Variants in SFSWAP observed in about 807,000 individuals in gnomAD.
SFSWAP encodes splicing factor, suppressor of white-apricot homolog.
Under a neutral mutation model 100.7 loss-of-function variants are expected in SFSWAP, and 17 were observed. The observed-to-expected ratio is 0.17, with a 90% CI of 0.12 to 0.25. The LOEUF is 0.25. Ranked by LOEUF, SFSWAP falls within the 10% of genes least tolerant of loss-of-function variation. SFSWAP has a pLI of 1.00. For missense variants in SFSWAP, 1,005 were observed against 1,262.6 expected (o/e 0.80, Z 3.09); for synonymous variants, 504 against 510.1 (o/e 0.99, Z 0.16).
At chr12:131,723,295 CA>C (rs1566005634) in intron 4 of SFSWAP, 1 of 152,250 alleles carries the variant, frequency 6.6e-6, no homozygotes, top group South Asian at 2.1e-4. Flanking sequence ...TCTTGGTCCC[CA>C]ATGTGTCTTG....
chr12:131,743,521 A>G (rs1038622413), intron 7 of SFSWAP, among the ~76,000 whole-genome samples: 1 of 152,240 alleles, frequency 6.6e-6, no homozygotes, highest in Non-Finnish European at 1.5e-5. Flanking sequence ...GGTCACGCTG[A>G]TGCAAGAGGT....
At chr12:131,735,629 A>T (rs569897696) in intron 7 of SFSWAP, among the ~76,000 whole-genome samples, 1 of 152,192 alleles carries the variant, frequency 6.6e-6, no homozygotes, top group African/African-American at 2.4e-5. Context: ...CCATGAACAC[A>T]TGCTGGGCCC....
At chr12:131,762,156 C>T (rs1416349113) in intron 11 of SFSWAP, among the ~76,000 whole-genome samples, 1 of 152,092 alleles carries the variant, frequency 6.6e-6, no homozygotes, top group Non-Finnish European at 1.5e-5. Flanking sequence ...TCGCTTGAAC[C>T]TGGGAGGCAG....
Position 131,739,536 on chromosome 12 carries a change from C to CTTTTTTTTTTT in SFSWAP, c.1081+11126_1081+11136dup, listed in dbSNP as rs777610140. Among the ~76,000 whole-genome samples the CTTTTTTTTTTT allele has an allele frequency of 6.6e-5, 4 of 60,842 alleles. 1 individual carries two copies. Among genetic ancestry groups the CTTTTTTTTTTT allele is most frequent in the Non-Finnish European group, 9.8e-5 (3 of 30,536 alleles). 39.9% of individuals were successfully genotyped at this position (60,842 alleles called of 152,430 possible). On this transcript the variant is annotated intron_variant, in intron 7 of 17. Transcript: ENST00000261674. The stretch of plus-strand genomic sequence containing the variant: ...TTTGCATTCTATTATTCCCCAGTTG[C>CTTTTTTTTTTT]TTTTTTTTTTTTTTTTTTTTTTTTT...
At chr12:131,763,049 G>A (rs1038170134) in intron 11 of SFSWAP, among the ~76,000 whole-genome samples, 1 of 152,102 alleles carries the variant, frequency 6.6e-6, no homozygotes, top group African/African-American at 2.4e-5. Flanking sequence ...CTGCTGTCCC[G>A]GTATCAGTAT....
At chr12:131,740,803 A>G (rs1880528448) in intron 7 of SFSWAP, among the ~76,000 whole-genome samples, 1 of 152,060 alleles carries the variant, frequency 6.6e-6, no homozygotes, top group Admixed American at 6.5e-5. Context: ...ATAAAGGTGC[A>G]TGTCTTCAGC....
At chr12:131,754,627 C>CTTTTTTTTTTTTTTTTT (rs869226840) in intron 9 of SFSWAP, 128 bp downstream of exon 9, 1 of 79,840 alleles carries the variant, frequency 1.3e-5, no homozygotes, top group Non-Finnish European at 2.1e-5. Flanking sequence ...GCTCAAATGT[C>CTTTTTTTTTTTTTTTTT]TTTTTTTTTT....
intron 14 of SFSWAP, among the ~76,000 whole-genome samples, chr12:131,781,279 C>T (rs1884485224): frequency 6.9e-6 from 1 of 144,808 alleles, no homozygotes; most frequent in Non-Finnish European, 1.5e-5. Flanking sequence ...TCGCTGTCGC[C>T]TAGGCTGGAG....
chr12:131,750,863 T>C (rs1372372497), intron 7 of SFSWAP, among the ~76,000 whole-genome samples: 1 of 150,644 alleles, frequency 6.6e-6, no homozygotes, highest in Non-Finnish European at 1.5e-5. Context: ...TAGTTTATTT[T>C]ATTTTATTTT....
At chr12:131,722,346 G>T (rs1566004915) in intron 4 of SFSWAP, among the ~76,000 whole-genome samples, 1 of 152,198 alleles carries the variant, frequency 6.6e-6, no homozygotes, top group Non-Finnish European at 1.5e-5. Context: ...AGGATCACTT[G>T]AGGCCAGGAG....
At chr12:131,743,303 C>T (rs181640871) in intron 7 of SFSWAP, among the ~76,000 whole-genome samples, 1 of 152,346 alleles carries the variant, frequency 6.6e-6, no homozygotes, top group East Asian at 1.9e-4. Context: ...AGGCAAGTTC[C>T]TTCTGCCTAC....
At chr12:131,780,266 A>G (rs997976485) in intron 14 of SFSWAP, among the ~76,000 whole-genome samples, 3 of 152,142 alleles carry the variant, frequency 2.0e-5, no homozygotes, top group Admixed American at 1.3e-4. Context: ...AAACCTTGCT[A>G]TTTTCTAATC....
chr12:131,766,323 C>G lies in SFSWAP; in HGVS notation c.2142+15C>G. On this transcript the variant is annotated intron_variant, in intron 13 of 17. Coordinates refer to ENST00000261674, the MANE Select transcript of SFSWAP (RefSeq NM_004592.4). ...TCAGTGTCGAGGTATAGTAAAATCC[C>G]ACATTGGTATCTGCGGGGCTGTGTG... 1 of 1,611,180 alleles carries G rather than the reference C, an allele frequency of 6.2e-7. No homozygotes were observed. The highest frequency in any genetic ancestry group is 8.5e-7 in the Non-Finnish European group (1 of 1,178,166).
intron 7 of SFSWAP, 137 bp from the exon 8 acceptor site, chr12:131,752,985 TC>T: frequency 7.6e-7 from 1 of 1,317,704 alleles, no homozygotes; most frequent in Non-Finnish European, 1.0e-6. Context: ...ATCAGAAAAA[TC>T]TAGAAAACAG....
intron 16 of SFSWAP, 67 bp downstream of exon 16, chr12:131,797,427 C>A: frequency 7.2e-7 from 1 of 1,380,466 alleles, no homozygotes; most frequent in Non-Finnish European, 9.8e-7. Context: ...ACTCTCCCTC[C>A]TCCCTGAGTC....
intron 7 of SFSWAP, among the ~76,000 whole-genome samples, chr12:131,750,057 G>C (rs976102558): frequency 6.6e-6 from 1 of 152,232 alleles, no homozygotes; most frequent in Non-Finnish European, 1.5e-5. Flanking sequence ...TGGGCAAGCG[G>C]CAGAAGCCCT....
rs577344506 is a variant in SFSWAP, at chr12:131,768,954, C to T, written c.2142+2646C>T. Among the ~76,000 whole-genome samples the T allele has an allele frequency of 1.1e-4, 16 of 152,130 alleles. No individual in the cohort carries two copies. The East Asian group carries it at 1.2e-3, about 11-fold the overall frequency. On this transcript the variant is annotated intron_variant, in intron 13 of 17. Coordinates refer to ENST00000261674, the MANE Select transcript of SFSWAP (RefSeq NM_004592.4). ...GTCTGGGGTCAACATGGTGAAACCT[C>T]GTCTCTACTAAAAATACAAAAAATT...
At position 131,799,051 on chromosome 12, in the gene SFSWAP, A is replaced by G; in HGVS notation, c.2732A>G (p.Glu911Gly). The change falls in exon 17 of 18, where the codon GAA becomes GGA. Residue 911 changes from glutamate (E) to glycine (G), a missense_variant. Transcript: ENST00000261674. ...SQERSRGVSQ[E>G]KEAQISSAIV... ...CTCTGCATTAGGGGAGTCTCTCAGGAAAAAGAAGCCCAGATCTCTTCAGCA... is the reference window on the plus strand; with the variant it reads ...CTCTGCATTAGGGGAGTCTCTCAGGGAAAAGAAGCCCAGATCTCTTCAGCA... The G allele has an allele frequency of 3.7e-6, 6 of 1,613,180 alleles. No homozygotes were observed. Among genetic ancestry groups the G allele is most frequent in the South Asian group, 1.1e-5 (1 of 91,064 alleles).
In SFSWAP at chr12:131,797,317, G is replaced by A. The variant is rs546768245; in HGVS notation, c.2674G>A (p.Val892Ile). ...PAAHSAHSAS[V>I]SPVESRGSSQ... Reference sequence around the variant, plus strand: ...GGCCCACTCGGCGCACTCAGCCAGCGTCTCCCCTGTGGAGAGTCGGGGCTC... The same window carrying A: ...GGCCCACTCGGCGCACTCAGCCAGCATCTCCCCTGTGGAGAGTCGGGGCTC... Residue 892 changes from valine to isoleucine, a missense_variant, in exon 16 of 18, where the codon GTC (valine) becomes ATC (isoleucine). By Grantham distance (29) the Val-to-Ile change is conservative. This residue lies in a region of SFSWAP where 295 missense variants were observed against 347.9 expected (regional missense o/e 0.85). Transcript: ENST00000261674. 4.3e-5 allele frequency: 70 copies of A among 1,611,246 alleles called. No homozygotes were observed. Among genetic ancestry groups the A allele is most frequent in the Admixed American group, 1.7e-4 (10 of 59,870 alleles).
Sources: gnomAD v4.1 joint callset for allele counts (sites outside exome capture counted in the v4.1 genomes callset) on GRCh38, gnomAD v4.1.1 for gene constraint, gnomAD v4.1.1 regional missense constraint, MANE v1.5 for transcripts, NCBI Gene and HGNC (gene_info 2026-07-23, HGNC 2026-07-21) for gene names.